The following ZSCAN25 variants were observed in gnomAD, a reference collection of about 807,000 sequenced individuals.
The protein encoded by ZSCAN25 is zinc finger and SCAN domain-containing protein 25.
A neutral mutation model predicts 38.7 loss-of-function variants in ZSCAN25; 27 were observed. The ratio of observed to expected loss-of-function variants is 0.70; its 90% confidence interval spans 0.51 to 0.96. ZSCAN25 has a LOEUF of 0.96. ZSCAN25 is among the 40% of genes least tolerant of loss of function. The pLI is 0.00. For synonymous variants in ZSCAN25, 273 were observed against 277.7 expected (o/e 0.98, Z 0.17); for missense variants, 637 against 705.9 (o/e 0.90, Z 1.11).
chr7:99,736,371 C>A, the ZSCAN25 span, among the ~76,000 whole-genome samples: 2 of 152,278 alleles, frequency 1.3e-5, no homozygotes, highest in African/African-American at 4.8e-5. Flanking sequence ...GAATTCAAAG[C>A]AAATGGCTTC....
At chr7:99,626,496 G>C (rs966682943) in intron 7 of ZSCAN25, among the ~76,000 whole-genome samples, 56 of 152,110 alleles carry the variant, frequency 3.7e-4, no homozygotes, top group African/African-American at 1.3e-3. Flanking sequence ...GTAGAAGGGG[G>C]TTTACTGAAA....
chr7:99,637,835 A>T, the ZSCAN25 span, among the ~76,000 whole-genome samples: 1 of 152,240 alleles, frequency 6.6e-6, no homozygotes, highest in Non-Finnish European at 1.5e-5. Context: ...GTCTGCATGA[A>T]TGCAAAATAA....
chr7:99,703,598 A>C, the ZSCAN25 span, among the ~76,000 whole-genome samples: 3 of 152,172 alleles, frequency 2.0e-5, no homozygotes, highest in Non-Finnish European at 4.4e-5. Context: ...GAATACATCC[A>C]TTCCAATCTA....
Position 99,631,102 on chromosome 7 carries a change from C to T in ZSCAN25, c.*1082C>T, listed in dbSNP as rs537452846. The T allele has an allele frequency of 8.1e-6, 8 of 985,398 alleles. No homozygotes were observed. The highest frequency in any genetic ancestry group is 1.2e-4 in the Admixed American group (2 of 16,286). The allele number at this position is 985,398 out of a possible 1,614,324, so 61.0% of individuals were successfully genotyped here. A position where few individuals can be genotyped will look rare whatever the true frequency, so the allele number is the denominator to read the frequency against. Reference sequence around the variant, plus strand: ...TGTTGACCTCGTAGAGCTTATGTCTCGTGGATGTACCTGATCTTCAGAACC... The same window carrying T: ...TGTTGACCTCGTAGAGCTTATGTCTTGTGGATGTACCTGATCTTCAGAACC... On this transcript the variant is annotated 3_prime_UTR_variant, in exon 8 of 8. Coordinates refer to ENST00000394152, the MANE Select transcript of ZSCAN25 (RefSeq NM_145115.3).
chr7:99,674,777 T>G, the ZSCAN25 span, among the ~76,000 whole-genome samples: 7 of 152,224 alleles, frequency 4.6e-5, no homozygotes, highest in Non-Finnish European at 1.0e-4. Flanking sequence ...GTGGGGAATT[T>G]AAAGTCACTC....
chr7:99,679,897 C>A, the ZSCAN25 span: 4 of 1,613,730 alleles, frequency 2.5e-6, no homozygotes, highest in Admixed American at 1.7e-5. Context: ...TGAGGTCCAT[C>A]GCCACTTTCC....
chr7:99,713,486 T>A, the ZSCAN25 span: 4 of 1,613,194 alleles, frequency 2.5e-6, no homozygotes, highest in African/African-American at 1.3e-5. Context: ...GGTCTCAGAG[T>A]CTTTTGAATT....
At chr7:99,716,841 C>G in the ZSCAN25 span, among the ~76,000 whole-genome samples, 1 of 152,156 alleles carries the variant, frequency 6.6e-6, no homozygotes, top group African/African-American at 2.4e-5. Context: ...AGTGCCTTCC[C>G]CTTCCACCAT....
At chr7:99,651,342 T>C in the ZSCAN25 span, among the ~76,000 whole-genome samples, 2 of 152,230 alleles carry the variant, frequency 1.3e-5, no homozygotes, top group Admixed American at 1.3e-4. Context: ...ATATAAATCA[T>C]ATGAATTTCT....
chr7:99,727,627 A>G, the ZSCAN25 span, among the ~76,000 whole-genome samples: 1 of 152,062 alleles, frequency 6.6e-6, no homozygotes, highest in Non-Finnish European at 1.5e-5. Context: ...TAGTTTATTG[A>G]TGGCAGTTCC....
In ZSCAN25 at chr7:99,621,533, G is replaced by A; in HGVS notation, c.548G>A (p.Ser183Asn). 1 of 1,546,928 alleles carries A rather than the reference G, an allele frequency of 6.5e-7. No homozygotes were observed. Among genetic ancestry groups the A allele is most frequent in the African/African-American group, 1.4e-5 (1 of 73,212 alleles). Reference protein sequence around the residue: ...GPDPGTEEQLSQDPGDETRAF... With the variant: ...GPDPGTEEQLNQDPGDETRAF... Reference sequence around the variant, plus strand: ...GACCCAGGTACCGAGGAGCAGCTCAGTCAGGACCCTGGAGATGAGACACGG... The same window carrying A: ...GACCCAGGTACCGAGGAGCAGCTCAATCAGGACCCTGGAGATGAGACACGG... Residue 183 changes from serine (S) to asparagine (N), a missense_variant, in exon 5 of 8, where the codon AGT (serine) becomes AAT (asparagine). By Grantham distance (46) the Ser-to-Asn change is conservative. Transcript: ENST00000394152.
chr7:99,674,360 T>C, the ZSCAN25 span: 26 of 494,550 alleles, frequency 5.3e-5, no homozygotes, highest in East Asian at 8.2e-4. Context: ...CAGATTCCCA[T>C]TGCAATATTC....
At chr7:99,669,234 A>G in the ZSCAN25 span, among the ~76,000 whole-genome samples, 1 of 152,354 alleles carries the variant, frequency 6.6e-6, no homozygotes, top group Admixed American at 6.5e-5. Flanking sequence ...TTTCCACGGA[A>G]TTTGTGCCAG....
chr7:99,631,607 C>G lies in ZSCAN25; in HGVS notation c.*1587C>G, dbSNP rs998953561. 7.1e-6 allele frequency: 7 copies of G among 984,938 alleles called. No homozygotes were observed. Among genetic ancestry groups the G allele is most frequent in the Non-Finnish European group, 8.4e-6 (7 of 829,858 alleles). 61.0% of individuals were successfully genotyped at this position (984,938 alleles called of 1,614,324 possible). ...TTCTGATGCCTCTTAATACCAGATT[C>G]TTTTACTGAGATTTTTTTTTTTCAT... On this transcript the variant is annotated 3_prime_UTR_variant, in exon 8 of 8. Coordinates refer to ENST00000394152, the MANE Select transcript of ZSCAN25 (RefSeq NM_145115.3).
chr7:99,669,644 T>C, the ZSCAN25 span, among the ~76,000 whole-genome samples: 2 of 152,206 alleles, frequency 1.3e-5, no homozygotes, highest in African/African-American at 2.4e-5. Context: ...GCTTTGGTGA[T>C]GGATGAAGGC....
At chr7:99,709,321 T>C in the ZSCAN25 span, 1 of 1,574,482 alleles carries the variant, frequency 6.4e-7, no homozygotes. Flanking sequence ...TTTAACTCAG[T>C]CCATGTAGTA....
chr7:99,723,032 A>AG, the ZSCAN25 span, among the ~76,000 whole-genome samples: 64 of 151,948 alleles, frequency 4.2e-4, no homozygotes, highest in Non-Finnish European at 4.4e-5. Flanking sequence ...AAACTTAAAA[A>AG]AAAACCTTCC....
chr7:99,669,887 T>C, the ZSCAN25 span, among the ~76,000 whole-genome samples: 14 of 152,154 alleles, frequency 9.2e-5, no homozygotes, highest in African/African-American at 3.4e-4. Context: ...GAGAGGGACT[T>C]GTACAATTAA....
chr7:99,722,058 C>G, the ZSCAN25 span, among the ~76,000 whole-genome samples: 1 of 152,200 alleles, frequency 6.6e-6, no homozygotes, highest in East Asian at 1.9e-4. Context: ...TTCTGTGGAA[C>G]ATCTTTGTCT....
Sources: gnomAD v4.1 joint callset for allele counts (sites outside exome capture counted in the v4.1 genomes callset) on GRCh38, gnomAD v4.1.1 for gene constraint, MANE v1.5 for transcripts, NCBI Gene and HGNC (gene_info 2026-07-23, HGNC 2026-07-21) for gene names.